The following MITF variants were observed in gnomAD, a reference collection of about 807,000 sequenced individuals.
The protein encoded by MITF is microphthalmia-associated transcription factor.
A neutral mutation model predicts 60.5 loss-of-function variants in MITF; 17 were observed. The observed-to-expected ratio is 0.28, with a 90% CI of 0.19 to 0.42. MITF has a LOEUF of 0.42. Among genes scored for constraint, MITF ranks in the 10% least tolerant of loss-of-function variants. The pLI is 1.00. For synonymous variants in MITF, 260 were observed against 248.5 expected, an observed-to-expected ratio of 1.05 and a Z score of -0.43; for missense variants, 622 against 683.5, an observed-to-expected ratio of 0.91 and a Z score of 1.00.
At chr3:69,846,883 A>C (rs2063742231) in intron 1 of MITF, among the ~76,000 whole-genome samples, 1 of 152,002 alleles carries the variant, frequency 6.6e-6, no homozygotes, top group African/African-American at 2.4e-5. Flanking sequence ...ATTGTTTAAT[A>C]CAATCCCAGA....
At chr3:69,945,559 G>T (rs2066074829) in intron 5 of MITF, among the ~76,000 whole-genome samples, 1 of 152,158 alleles carries the variant, frequency 6.6e-6, no homozygotes, top group Non-Finnish European at 1.5e-5. Flanking sequence ...TAAAATGCAT[G>T]GCTAGGAGAC....
chr3:69,744,043 G>A (rs938989939), intron 1 of MITF, among the ~76,000 whole-genome samples: 6 of 152,196 alleles, frequency 3.9e-5, no homozygotes, highest in Non-Finnish European at 7.3e-5. Context: ...TTAGAAATGG[G>A]AATGAAAGTG....
At chr3:69,878,874 TAAAAA>T (rs959428579) in intron 1 of MITF, among the ~76,000 whole-genome samples, 1 of 143,364 alleles carries the variant, frequency 7.0e-6, no homozygotes, top group African/African-American at 2.5e-5. Context: ...GCATAAAATG[TAAAAA>T]AAAAAAAATT....
chr3:69,874,971 G>T (rs2064321176), intron 1 of MITF, among the ~76,000 whole-genome samples: 1 of 152,204 alleles, frequency 6.6e-6, no homozygotes, highest in Non-Finnish European at 1.5e-5. Context: ...TGCCATAGAG[G>T]TAGGAACTCA....
chr3:69,879,416 A>C (rs2107279301), intron 2 of MITF, 33 bp downstream of exon 2: 2 of 1,614,060 alleles, frequency 1.2e-6, no homozygotes, highest in Non-Finnish European at 1.7e-6. Context: ...GGTTGGACCA[A>C]ACTCTCTTCC....
intron 1 of MITF, among the ~76,000 whole-genome samples, chr3:69,864,388 G>C (rs2064073052): frequency 6.6e-6 from 1 of 152,134 alleles, no homozygotes; most frequent in South Asian, 2.1e-4. Context: ...ACAGTACCTG[G>C]CATGTAGAAA....
chr3:69,811,463 C>G (rs1353372435), intron 1 of MITF, among the ~76,000 whole-genome samples: 2 of 152,180 alleles, frequency 1.3e-5, no homozygotes, highest in Non-Finnish European at 2.9e-5. Context: ...GTATTCTCAT[C>G]CATAAAGTCT....
intron 6 of MITF, 96 bp downstream of exon 6, chr3:69,949,264 C>T: frequency 1.1e-6 from 1 of 914,610 alleles, no homozygotes; most frequent in South Asian, 1.3e-5. Flanking sequence ...CTATATCCAA[C>T]TCATGGACGT....
chr3:69,810,193 T>C (rs529240267), intron 1 of MITF, among the ~76,000 whole-genome samples: 1 of 152,308 alleles, frequency 6.6e-6, no homozygotes, highest in South Asian at 2.1e-4. Flanking sequence ...GTACAGATTT[T>C]GATATCTTGT....
intron 1 of MITF, among the ~76,000 whole-genome samples, chr3:69,757,917 G>T (rs1178706209): frequency 5.3e-5 from 8 of 151,430 alleles, no homozygotes; most frequent in Non-Finnish European, 1.5e-5. Context: ...TTGAGTGATG[G>T]TGTGGATCCC....
Position 69,754,307 on chromosome 3 carries a change from C to G in MITF, c.104+14606C>G, listed in dbSNP as rs568604872. Among the ~76,000 whole-genome samples the G allele has an allele frequency of 2.0e-4, 31 of 152,020 alleles. 1 individual carries two copies. The highest frequency in any genetic ancestry group is 5.9e-5 in the Non-Finnish European group (4 of 68,006). On this transcript the variant is annotated intron_variant, in intron 1 of 9. Coordinates refer to ENST00000352241, the MANE Select transcript of MITF (RefSeq NM_001354604.2). ...TCTAGGCTTACTGCAACCTCCACCT[C>G]CTGGGTTCAAGTGATTCTCCTGCCT...
chr3:69,763,825 T>C (rs1181552343), intron 1 of MITF: 4 of 1,366,446 alleles, frequency 2.9e-6, no homozygotes, highest in Admixed American at 2.2e-5. Flanking sequence ...CCTATTCCGC[T>C]CCATCTCTGA....
rs115223851 is a variant in MITF at position 69,831,564 on chromosome 3, A to G, written c.105-47570A>G. ...CATATTTCTATATATGGATTTCACA[A>G]CAATCTTGATTTCCGGCAAGAGTTT... On this transcript the variant is annotated intron_variant, in intron 1 of 9. Coordinates refer to ENST00000352241, the MANE Select transcript of MITF (RefSeq NM_001354604.2). Among the ~76,000 whole-genome samples the G allele has an allele frequency of 6.6e-3, 1,001 of 152,244 alleles. 9 individuals carry two copies. Among genetic ancestry groups the G allele is most frequent in the African/African-American group, 0.023 (943 of 41,534 alleles).
intron 1 of MITF, among the ~76,000 whole-genome samples, chr3:69,810,804 A>G (rs1164272535): frequency 2.0e-5 from 3 of 152,206 alleles, no homozygotes; most frequent in Admixed American, 1.3e-4. Context: ...ACTGGAAATG[A>G]CAGAGAACAA....
intron 1 of MITF, among the ~76,000 whole-genome samples, chr3:69,795,580 G>C (rs1288601367): frequency 6.6e-6 from 1 of 152,032 alleles, no homozygotes; most frequent in Non-Finnish European, 1.5e-5. Flanking sequence ...TTAAAAATTG[G>C]CTGAGCATGG....
intron 1 of MITF, among the ~76,000 whole-genome samples, chr3:69,834,684 A>C (rs144145071): frequency 0.014 from 2,141 of 152,290 alleles, 30 homozygotes; most frequent in Middle Eastern, 0.027. Context: ...CTTTAGATAT[A>C]TATCCAATAG....
chr3:69,911,675 A>G (rs1366613414), intron 2 of MITF, among the ~76,000 whole-genome samples: 2 of 152,218 alleles, frequency 1.3e-5, no homozygotes, highest in African/African-American at 4.8e-5. Context: ...AGTTCACAAA[A>G]ATTCAATCTG....
intron 1 of MITF, among the ~76,000 whole-genome samples, chr3:69,825,081 A>G (rs933223227): frequency 6.6e-6 from 1 of 152,134 alleles, no homozygotes; most frequent in African/African-American, 2.4e-5. Flanking sequence ...AATTTCTTCT[A>G]TTAAAGTTTC....
chr3:69,888,578 T>G (rs2064680639), intron 2 of MITF, among the ~76,000 whole-genome samples: 1 of 152,054 alleles, frequency 6.6e-6, no homozygotes, highest in South Asian at 2.1e-4. Context: ...CGCCGCTAAG[T>G]AATTCATCAA....
Sources: allele counts gnomAD v4.1 joint callset (sites outside exome capture counted in the v4.1 genomes callset), GRCh38; gene constraint gnomAD v4.1.1; transcripts MANE v1.5; gene names NCBI Gene and HGNC (gene_info 2026-07-23, HGNC 2026-07-21).